HPSE2: variants seen among roughly 807,000 people sequenced by gnomAD.
The protein encoded by HPSE2 is inactive heparanase-2.
A neutral mutation model predicts 60.5 loss-of-function variants in HPSE2; 38 were observed. The ratio of observed to expected loss-of-function variants is 0.63; its 90% CI spans 0.48 to 0.82. The LOEUF is 0.82. Ranked by LOEUF, HPSE2 falls within the 40% of genes least tolerant of loss-of-function variation. The pLI is 0.00. For missense variants in HPSE2, 713 were observed against 740.4 expected, an observed-to-expected ratio of 0.96 and a Z score of 0.43; for synonymous variants, 295 against 293.2, an observed-to-expected ratio of 1.01 and a Z score of -0.06.
chr10:99,148,815 A>G (rs961555040), intron 2 of HPSE2, among the ~76,000 whole-genome samples: 5 of 151,774 alleles, frequency 3.3e-5, no homozygotes, highest in African/African-American at 9.7e-5. Context: ...CAATCAATCA[A>G]TCAATCAATA....
chr10:99,152,310 C>CAA lies in HPSE2; in HGVS notation c.449-7913_449-7912dup, dbSNP rs1004063463. Among the ~76,000 whole-genome samples, 380 of 53,982 alleles carry CAA rather than the reference C, an allele frequency of 7.0e-3. 5 individuals are homozygous for CAA. The highest frequency in any genetic ancestry group is 0.021 in the African/African-American group (359 of 16,884). The allele number at this position is 53,982 out of a possible 152,430, so 35.4% of individuals were successfully genotyped here. A position where few individuals can be genotyped will look rare whatever the true frequency, so the allele number is the denominator to read the frequency against. On this transcript the variant is annotated intron_variant, in intron 2 of 11. Transcript: ENST00000370552. The stretch of plus-strand genomic sequence containing the variant: ...TGGACAACAGAGCGAGACTCCACCT[C>CAA]AAAAAAAAAAAAAAAAAAAGACTGA...
intron 2 of HPSE2, among the ~76,000 whole-genome samples, chr10:99,228,619 G>C (rs983314587): frequency 3.3e-5 from 5 of 152,124 alleles, no homozygotes; most frequent in African/African-American, 4.8e-5. Flanking sequence ...AAGATTCCTT[G>C]GGTATAAAGA....
chr10:98,523,545 C>T (rs1341622051), intron 9 of HPSE2, among the ~76,000 whole-genome samples: 1 of 152,170 alleles, frequency 6.6e-6, no homozygotes, highest in Non-Finnish European at 1.5e-5. Flanking sequence ...AAAGACATTA[C>T]TATAAATTTC....
intron 2 of HPSE2, among the ~76,000 whole-genome samples, chr10:99,155,773 T>C (rs1214685023): frequency 1.3e-4 from 19 of 146,734 alleles, no homozygotes; most frequent in Middle Eastern, 3.5e-3. Flanking sequence ...CTGAAGGAAA[T>C]AGAGACACAA....
chr10:98,623,723 T>A (rs1268672173), intron 7 of HPSE2, among the ~76,000 whole-genome samples: 1 of 152,212 alleles, frequency 6.6e-6, no homozygotes, highest in African/African-American at 2.4e-5. Flanking sequence ...TAAGTTCTTT[T>A]TAAATATAAA....
chr10:99,151,224 T>A (rs1440225715), intron 2 of HPSE2, among the ~76,000 whole-genome samples: 4 of 146,660 alleles, frequency 2.7e-5, no homozygotes, highest in Non-Finnish European at 4.5e-5. Context: ...CAGTTTCCAA[T>A]AAAATATTAC....
intron 3 of HPSE2, among the ~76,000 whole-genome samples, chr10:99,049,726 C>A (rs1957946078): frequency 6.6e-6 from 1 of 151,790 alleles, no homozygotes. Context: ...TAATTATTAA[C>A]AAATAATAAT....
At chr10:99,167,725 G>A (rs1305294861) in intron 2 of HPSE2, among the ~76,000 whole-genome samples, 1 of 152,060 alleles carries the variant, frequency 6.6e-6, no homozygotes, top group East Asian at 1.9e-4. Flanking sequence ...GTTAGTGTGT[G>A]TGTGTGTATT....
chr10:99,262,135 G>C, the HPSE2 span, among the ~76,000 whole-genome samples: 20 of 152,078 alleles, frequency 1.3e-4, no homozygotes, highest in Middle Eastern at 3.2e-3. Context: ...TATAGTGGAG[G>C]GTAAGCCTGT....
At chr10:99,117,417 GAAAAAAAAAAAAAAAAA>G (rs1157232317) in intron 3 of HPSE2, among the ~76,000 whole-genome samples, 7 of 24,816 alleles carry the variant, frequency 2.8e-4, no homozygotes, top group South Asian at 3.6e-3. Context: ...TTGTTTTTTT[GAAAAAAAAAAAAAAAAA>G]AAAAAAAAAA....
intron 2 of HPSE2, among the ~76,000 whole-genome samples, chr10:99,228,507 G>GA (rs1271143349): frequency 1.3e-5 from 2 of 152,034 alleles, no homozygotes; most frequent in Non-Finnish European, 2.9e-5. Context: ...GGGAAGACTG[G>GA]AAAAAAATAA....
At chr10:99,058,966 T>C (rs1958174296) in intron 3 of HPSE2, among the ~76,000 whole-genome samples, 1 of 152,238 alleles carries the variant, frequency 6.6e-6, no homozygotes, top group African/African-American at 2.4e-5. Flanking sequence ...ACTTTGCTGT[T>C]GTAGCATAAA....
intron 2 of HPSE2, among the ~76,000 whole-genome samples, chr10:99,229,179 A>T (rs187303059): frequency 6.6e-6 from 1 of 152,234 alleles, no homozygotes; most frequent in Non-Finnish European, 1.5e-5. Context: ...TATCGAAAAA[A>T]AAAAAAAAAC....
In HPSE2 at chr10:98,743,934, A is replaced by G. The variant is rs752088304; in HGVS notation, c.733T>C (p.Leu245=). The G allele has an allele frequency of 1.9e-6, 3 of 1,614,104 alleles. No individual in the cohort carries two copies. The highest frequency in any genetic ancestry group is 2.2e-5 in the South Asian group (2 of 91,084). ...SWNSSSALSL[L]KYSASKKYNI... ...TACTTTTTGCTGGCGCTGTACTTCA[A>G]CAGACTCAGGGCACTAGAACTGTTC... The change falls in exon 4 of 12, where the codon TTG becomes CTG. Residue 245 remains leucine (L), a synonymous_variant. Transcript: ENST00000370552.
the HPSE2 span, among the ~76,000 whole-genome samples, chr10:99,255,721 T>C: frequency 2.0e-5 from 3 of 152,280 alleles, no homozygotes; most frequent in East Asian, 3.9e-4. Flanking sequence ...GAAAAATATA[T>C]AGGTAGCATC....
At chr10:98,915,782 C>T (rs939879826) in intron 3 of HPSE2, among the ~76,000 whole-genome samples, 12 of 152,044 alleles carry the variant, frequency 7.9e-5, no homozygotes, top group African/African-American at 2.2e-4. Flanking sequence ...AAAGAGCATG[C>T]GGAAAGGAAT....
At chr10:98,585,893 G>A (rs546763955) in intron 9 of HPSE2, among the ~76,000 whole-genome samples, 4 of 148,648 alleles carry the variant, frequency 2.7e-5, no homozygotes, top group African/African-American at 9.9e-5. Context: ...CAGAGGTTTT[G>A]GTGAGCTGAG....
chr10:98,892,790 T>C (rs1953372968), intron 3 of HPSE2, among the ~76,000 whole-genome samples: 1 of 152,220 alleles, frequency 6.6e-6, no homozygotes, highest in Non-Finnish European at 1.5e-5. Flanking sequence ...GACTAACTTC[T>C]GTGACAGAAG....
intron 3 of HPSE2, among the ~76,000 whole-genome samples, chr10:98,929,003 TAAATA>T (rs1397318331): frequency 7.1e-6 from 1 of 140,456 alleles, no homozygotes; most frequent in Non-Finnish European, 1.5e-5. Context: ...AATAAATAAA[TAAATA>T]AATAAATAAA....
Sources: allele counts gnomAD v4.1 joint callset (sites outside exome capture counted in the v4.1 genomes callset), GRCh38; gene constraint gnomAD v4.1.1; transcripts MANE v1.5; gene names NCBI Gene and HGNC (gene_info 2026-07-23, HGNC 2026-07-21).